WAC: variants seen among roughly 807,000 people sequenced by gnomAD.
The protein encoded by WAC is WW domain containing adaptor with coiled-coil.
A neutral mutation model predicts 79.6 loss-of-function variants in WAC; 11 were observed. The observed-to-expected ratio is 0.14, with a 90% CI of 0.09 to 0.23. WAC has a LOEUF of 0.23. Among genes scored for constraint, WAC ranks in the 10% least tolerant of loss-of-function variants. The probability of loss-of-function intolerance (pLI) is 1.00; values close to 1 mark genes in which losing one functional copy is unlikely to be tolerated. For missense variants in WAC, 728 were observed against 773.5 expected (o/e 0.94, Z 0.70); for synonymous variants, 304 against 276.9 (o/e 1.10, Z -0.97).
At chr10:28,565,953 AAGC>A (rs1347145525) in intron 3 of WAC, among the ~76,000 whole-genome samples, 6 of 152,216 alleles carry the variant, frequency 3.9e-5, no homozygotes, top group African/African-American at 1.2e-4. Flanking sequence ...AGTGTGCAGA[AAGC>A]AGGAGCACAA....
chr10:28,607,754 T>A (rs970606242), intron 7 of WAC, among the ~76,000 whole-genome samples: 1 of 152,352 alleles, frequency 6.6e-6, no homozygotes, highest in East Asian at 1.9e-4. Context: ...AGGTTGTTAC[T>A]GTGGCCATAA....
chr10:28,616,650 T>C (rs1372191435), intron 12 of WAC, among the ~76,000 whole-genome samples: 1 of 152,230 alleles, frequency 6.6e-6, no homozygotes, highest in Non-Finnish European at 1.5e-5. Context: ...GCAGTGTAGA[T>C]AGAGTTGAAG....
intron 13 of WAC, 177 bp downstream of exon 13, chr10:28,617,961 G>A: frequency 4.5e-6 from 3 of 664,916 alleles, no homozygotes; most frequent in South Asian, 5.6e-5. Flanking sequence ...AAAGCCTGTC[G>A]ATTTTCTCTT....
At position 28,603,991 on chromosome 10, in the gene WAC, A is replaced by G. The variant is rs771980454; in HGVS notation, c.920-4195A>G. On this transcript the variant is annotated intron_variant, in intron 7 of 13. Coordinates refer to ENST00000354911, the MANE Select transcript of WAC (RefSeq NM_016628.5). ...TATATATATATATATATATATATGT[A>G]TATATATATATATTTCTATACTAAA... 5.1e-3 allele frequency among the ~76,000 whole-genome samples: 666 copies of G among 129,976 alleles called. 49 individuals carry two copies. Among genetic ancestry groups the G allele is most frequent in the Non-Finnish European group, 8.4e-3 (510 of 60,824 alleles). 85.3% of individuals were successfully genotyped at this position (129,976 alleles called of 152,430 possible).
rs1841730239 is a variant in WAC at position 28,622,496 on chromosome 10, G to GT, written c.*2891dup. 1 of 131,704 alleles carries GT rather than the reference G, an allele frequency of 7.6e-6. No homozygotes were observed. Among genetic ancestry groups the GT allele is most frequent in the Non-Finnish European group, 1.5e-5 (1 of 65,642 alleles). 8.2% of individuals were successfully genotyped at this position (131,704 alleles called of 1,614,324 possible). On this transcript the variant is annotated 3_prime_UTR_variant, in exon 14 of 14. Coordinates refer to ENST00000354911, the MANE Select transcript of WAC (RefSeq NM_016628.5). ...CAAACTTTTAAAATGTCGTGGTATTGTAACAATATATTTGATGAAAGAAGG... is the reference window on the plus strand; with the variant it reads ...CAAACTTTTAAAATGTCGTGGTATTGTTAACAATATATTTGATGAAAGAAGG...
chr10:28,551,784 T>TG (rs1837682780), intron 3 of WAC, among the ~76,000 whole-genome samples: 18 of 124,814 alleles, frequency 1.4e-4, no homozygotes, highest in Admixed American at 4.5e-4. Flanking sequence ...TCCTGTCTAC[T>TG]TGTGTGTGTG....
intron 7 of WAC, among the ~76,000 whole-genome samples, chr10:28,597,535 C>CT (rs1038998875): frequency 9.9e-5 from 15 of 152,142 alleles, no homozygotes; most frequent in Non-Finnish European, 2.1e-4. Context: ...TTCCTTCCTG[C>CT]TTACATATCA....
Position 28,610,963 on chromosome 10 carries a change from T to G in WAC, c.1288+142T>G, listed in dbSNP as rs150490381. The G allele has an allele frequency of 6.4e-5, 58 of 903,386 alleles. No individual in the cohort carries two copies. The East Asian group carries it at 1.4e-3, about 21-fold the overall frequency. 56.0% of individuals were successfully genotyped at this position (903,386 alleles called of 1,614,324 possible). On this transcript the variant is annotated intron_variant, in intron 9 of 13. Coordinates refer to ENST00000354911, the MANE Select transcript of WAC (RefSeq NM_016628.5). ...TTAGCTACAATAATTTTGTTTTTTT[T>G]GTAACACTGGCATATACAGTAGTAT...
intron 9 of WAC, chr10:28,611,113 C>A: frequency 1.7e-6 from 1 of 594,128 alleles, no homozygotes; most frequent in South Asian, 2.1e-5. Flanking sequence ...TTTTTTATGC[C>A]AAAGCTGAAA....
intron 6 of WAC, among the ~76,000 whole-genome samples, chr10:28,594,666 G>A (rs957534505): frequency 3.3e-5 from 5 of 151,972 alleles, no homozygotes; most frequent in East Asian, 1.9e-4. Context: ...TTCCTCCTTC[G>A]TTGTTTTGTC....
intron 3 of WAC, among the ~76,000 whole-genome samples, chr10:28,558,276 TGAG>T (rs1332919552): frequency 6.6e-6 from 1 of 152,162 alleles, no homozygotes; most frequent in East Asian, 1.9e-4. Context: ...AAGATTTTAT[TGAG>T]GAGAGTGATT....
chr10:28,586,164 C>G (rs1191802553), intron 4 of WAC, among the ~76,000 whole-genome samples: 1 of 152,156 alleles, frequency 6.6e-6, no homozygotes, highest in African/African-American at 2.4e-5. Flanking sequence ...GAGTTATCTA[C>G]ACAGATATTT....
At chr10:28,549,604 G>T (rs1007187652) in intron 3 of WAC, among the ~76,000 whole-genome samples, 2 of 151,966 alleles carry the variant, frequency 1.3e-5, no homozygotes, top group Non-Finnish European at 2.9e-5. Context: ...TTCTTTACCC[G>T]CAGCTGAGTA....
intron 3 of WAC, among the ~76,000 whole-genome samples, chr10:28,549,933 G>A (rs1837566060): frequency 6.6e-6 from 1 of 152,094 alleles, no homozygotes; most frequent in African/African-American, 2.4e-5. Flanking sequence ...GAGGTCCCGA[G>A]GTGGATGGAT....
At chr10:28,547,062 ATC>A (rs1202765536) in intron 3 of WAC, among the ~76,000 whole-genome samples, 3 of 152,152 alleles carry the variant, frequency 2.0e-5, no homozygotes, top group East Asian at 1.9e-4. Context: ...GGGTACAAAG[ATC>A]TCTGTCAGTA....
intron 9 of WAC, 137 bp downstream of exon 9, chr10:28,610,958 T>C: frequency 9.7e-7 from 1 of 1,030,432 alleles, no homozygotes; most frequent in South Asian, 2.1e-5. Context: ...TAATTTTGTT[T>C]TTTTTGTAAC....
intron 6 of WAC, 176 bp downstream of exon 6, chr10:28,591,008 A>T (rs1320604167): frequency 1.7e-6 from 1 of 596,120 alleles, no homozygotes; most frequent in East Asian, 3.1e-5. Context: ...AAGGGAAAAG[A>T]TACACGGTCG....
rs571174248 is a variant in WAC at position 28,596,551 on chromosome 10, G to C, written c.919+510G>C. Among the ~76,000 whole-genome samples, 7 of 152,220 alleles carry C rather than the reference G, an allele frequency of 4.6e-5. No individual in the cohort carries two copies. The East Asian group carries it at 1.4e-3, about 29-fold the overall frequency. On this transcript the variant is annotated intron_variant, in intron 7 of 13. Coordinates refer to ENST00000354911, the MANE Select transcript of WAC (RefSeq NM_016628.5). Reference sequence around the variant, plus strand: ...TAAGTCTGAAGAGTGGAAGTTAAACGTTGCAACCCAAATTGCGTTTATCCA... The same window carrying C: ...TAAGTCTGAAGAGTGGAAGTTAAACCTTGCAACCCAAATTGCGTTTATCCA...
In WAC at chr10:28,614,543, T is replaced by A. The variant is rs1412553146; in HGVS notation, c.1438-24T>A. On this transcript the variant is annotated intron_variant, in intron 10 of 13. Transcript: ENST00000354911. ...AGATGTGGATTAGATTTGGAGACCA[T>A]CTCACCAGATTTTGACATTTCAGGT... 6 of 1,582,392 alleles carry A rather than the reference T, an allele frequency of 3.8e-6. No individual in the cohort carries two copies. The South Asian group carries it at 6.7e-5, about 18-fold the overall frequency.
Sources: allele counts gnomAD v4.1 joint callset (sites outside exome capture counted in the v4.1 genomes callset), GRCh38; gene constraint gnomAD v4.1.1; transcripts MANE v1.5; gene names NCBI Gene and HGNC (gene_info 2026-07-23, HGNC 2026-07-21).